Variants in ERC2 observed in about 807,000 individuals in gnomAD.
ERC2 encodes ELKS/RAB6-interacting/CAST family member 2.
ERC2 carries 42 observed loss-of-function variants against 114.8 expected under a neutral mutation model. That is an observed-to-expected ratio of 0.37 (90% CI 0.29 to 0.47). The LOEUF (loss-of-function observed/expected upper bound fraction) is 0.47, where lower values mean the gene tolerates loss of function less well. Ranked by LOEUF, ERC2 falls within the 20% of genes least tolerant of loss-of-function variation. The probability of loss-of-function intolerance (pLI) is 0.99; values close to 1 mark genes in which losing one functional copy is unlikely to be tolerated. For missense variants in ERC2, 939 were observed against 1,150.7 expected (o/e 0.82, Z 2.66); for synonymous variants, 454 against 425.5 (o/e 1.07, Z -0.82).
chr3:56,150,736 C>T (rs541339216), intron 4 of ERC2, among the ~76,000 whole-genome samples: 10 of 152,188 alleles, frequency 6.6e-5, no homozygotes, highest in South Asian at 4.2e-4. Context: ...TATTTAGATG[C>T]CATTTCTGGA....
chr3:55,708,463 G>C (rs1256916221), intron 15 of ERC2, among the ~76,000 whole-genome samples: 1 of 152,194 alleles, frequency 6.6e-6, no homozygotes, highest in Non-Finnish European at 1.5e-5. Context: ...TTAAACACTT[G>C]TAAAGTCCTC....
At chr3:56,393,880 T>G (rs2060212541) in intron 2 of ERC2, among the ~76,000 whole-genome samples, 1 of 152,138 alleles carries the variant, frequency 6.6e-6, no homozygotes, top group Non-Finnish European at 1.5e-5. Flanking sequence ...GAGCCATCTC[T>G]TGACCCCCTG....
chr3:55,873,792 C>T (rs2062699186), intron 14 of ERC2, among the ~76,000 whole-genome samples: 1 of 152,148 alleles, frequency 6.6e-6, no homozygotes, highest in African/African-American at 2.4e-5. Flanking sequence ...CCCACCCCTT[C>T]ACCTAATGTA....
intron 2 of ERC2, among the ~76,000 whole-genome samples, chr3:56,362,072 G>A (rs2058978576): frequency 6.6e-6 from 1 of 152,192 alleles, no homozygotes; most frequent in African/African-American, 2.4e-5. Context: ...TCTGTCTGAA[G>A]GATTCAGGAA....
At chr3:55,629,553 A>G (rs1368857875) in intron 17 of ERC2, among the ~76,000 whole-genome samples, 2 of 152,170 alleles carry the variant, frequency 1.3e-5, no homozygotes, top group Non-Finnish European at 2.9e-5. Flanking sequence ...AAAGTATCCT[A>G]AACACCTACA....
rs76603686 is a variant in ERC2 at position 56,448,408 on chromosome 3, A to G, written c.-140-13261T>C. Among the ~76,000 whole-genome samples the G allele has an allele frequency of 5.3e-3, 809 of 152,312 alleles. 5 individuals carry two copies. Among genetic ancestry groups the G allele is most frequent in the African/African-American group, 0.017 (708 of 41,568 alleles). ...CTACCTTCCTACCTTGAATACAGAGATGGGGAAGGTGAGATCTGAATTTTG... is the reference window on the plus strand; with the variant it reads ...CTACCTTCCTACCTTGAATACAGAGGTGGGGAAGGTGAGATCTGAATTTTG... On this transcript the variant is annotated intron_variant, in intron 1 of 17. Transcript: ENST00000288221.
intron 16 of ERC2, 93 bp downstream of exon 16, chr3:55,699,285 A>C (rs192770665): frequency 9.4e-6 from 14 of 1,483,532 alleles, no homozygotes; most frequent in Non-Finnish European, 1.3e-5. Flanking sequence ...GTATCACTTT[A>C]TGATGTTTAT....
intron 14 of ERC2, among the ~76,000 whole-genome samples, chr3:55,817,728 A>C (rs2059959476): frequency 2.6e-5 from 4 of 152,202 alleles, no homozygotes. Context: ...CAGTTTCTTC[A>C]TCTGTCAGGT....
chr3:56,007,606 A>G (rs1390852269), intron 9 of ERC2, among the ~76,000 whole-genome samples: 1 of 152,084 alleles, frequency 6.6e-6, no homozygotes, highest in African/African-American at 2.4e-5. Context: ...GTAAGTCCCA[A>G]GGTGGTCTTT....
intron 12 of ERC2, among the ~76,000 whole-genome samples, chr3:55,970,432 AAC>A (rs1170926295): frequency 6.6e-6 from 1 of 151,986 alleles, no homozygotes; most frequent in Non-Finnish European, 1.5e-5. Flanking sequence ...AAGAAAAACT[AAC>A]AGTCATATAT....
At chr3:55,514,314 C>T in intron 17 of ERC2, among the ~76,000 whole-genome samples, 1 of 152,110 alleles carries the variant, frequency 6.6e-6, no homozygotes, top group East Asian at 1.9e-4. Flanking sequence ...GGAGGATCAA[C>T]TGAACTGGGG....
intron 17 of ERC2, among the ~76,000 whole-genome samples, chr3:55,641,930 T>C (rs1012318265): frequency 5.3e-5 from 8 of 152,196 alleles, no homozygotes; most frequent in African/African-American, 1.9e-4. Context: ...TTACAAAGAC[T>C]ATTTTAAGGT....
At chr3:56,418,254 C>A (rs1158151436) in intron 2 of ERC2, among the ~76,000 whole-genome samples, 1 of 150,706 alleles carries the variant, frequency 6.6e-6, no homozygotes, top group Non-Finnish European at 1.5e-5. Context: ...GCTATGATTG[C>A]CACTGCACCC....
chr3:55,856,291 G>T (rs1432647653), intron 14 of ERC2, among the ~76,000 whole-genome samples: 1 of 152,138 alleles, frequency 6.6e-6, no homozygotes. Context: ...ATCTGCTAGG[G>T]CATATTCCAC....
At chr3:55,732,685 A>T (rs1559565077) in intron 15 of ERC2, among the ~76,000 whole-genome samples, 3 of 152,342 alleles carry the variant, frequency 2.0e-5, no homozygotes, top group East Asian at 3.9e-4. Context: ...AAGAGAAAGA[A>T]AGGAAAAATT....
chr3:55,892,449 G>T (rs1231290937), intron 13 of ERC2, among the ~76,000 whole-genome samples: 1 of 152,140 alleles, frequency 6.6e-6, no homozygotes, highest in Non-Finnish European at 1.5e-5. Context: ...CCTGAGCCTG[G>T]GAAGCCAAAA....
chr3:55,940,967 G>C (rs1424619861), intron 13 of ERC2, among the ~76,000 whole-genome samples: 2 of 152,140 alleles, frequency 1.3e-5, no homozygotes, highest in African/African-American at 4.8e-5. Context: ...AGAAAGAAAG[G>C]TGTCCAGTTT....
At chr3:56,274,488 C>T (rs1037639241) in intron 3 of ERC2, among the ~76,000 whole-genome samples, 6 of 145,040 alleles carry the variant, frequency 4.1e-5, no homozygotes, top group Non-Finnish European at 4.6e-5. Context: ...TCCAGGGAAA[C>T]CTGTATTTTC....
At chr3:56,447,927 C>A (rs1418348847) in intron 1 of ERC2, among the ~76,000 whole-genome samples, 1 of 151,924 alleles carries the variant, frequency 6.6e-6, no homozygotes, top group African/African-American at 2.4e-5. Context: ...ATTTTTAGTA[C>A]AGATGGGGCT....
Sources: allele counts gnomAD v4.1 joint callset (sites outside exome capture counted in the v4.1 genomes callset), GRCh38; gene constraint gnomAD v4.1.1; transcripts MANE v1.5; gene names NCBI Gene and HGNC (gene_info 2026-07-23, HGNC 2026-07-21).